The following PDE1A variants were observed in gnomAD, a reference collection of about 807,000 sequenced individuals.
PDE1A encodes the protein phosphodiesterase 1A.
A neutral mutation model predicts 61.7 loss-of-function variants in PDE1A; 35 were observed. That is an observed-to-expected ratio of 0.57 (90% CI 0.43 to 0.75). The LOEUF (loss-of-function observed/expected upper bound fraction) is 0.75, where lower values mean the gene tolerates loss of function less well. Among genes scored for constraint, PDE1A ranks in the 30% least tolerant of loss-of-function variants. The pLI is 0.00. For synonymous variants in PDE1A, 232 were observed against 213.2 expected (o/e 1.09, Z -0.77); for missense variants, 597 against 630.6 (o/e 0.95, Z 0.57).
At chr2:182,669,734 T>C in the PDE1A span, among the ~76,000 whole-genome samples, 2 of 152,198 alleles carry the variant, frequency 1.3e-5, no homozygotes, top group Admixed American at 6.5e-5. Context: ...TTCTTAACTC[T>C]CTCCTTTGAA....
chr2:182,421,630 G>C (rs1703283601), intron 1 of PDE1A, among the ~76,000 whole-genome samples: 1 of 152,114 alleles, frequency 6.6e-6, no homozygotes. Context: ...TTTACCTCCT[G>C]CTATTAAAAT....
At chr2:182,508,458 C>T (rs548479149) in intron 2 of PDE1A, among the ~76,000 whole-genome samples, 1 of 151,378 alleles carries the variant, frequency 6.6e-6, no homozygotes, top group African/African-American at 2.4e-5. Context: ...AAGTGGTTTA[C>T]AAATGAAAGG....
intron 2 of PDE1A, among the ~76,000 whole-genome samples, chr2:182,244,675 ATG>A (rs1392411464): frequency 6.6e-6 from 1 of 152,066 alleles, no homozygotes; most frequent in Admixed American, 6.5e-5. Flanking sequence ...GTTCTTTGTC[ATG>A]TGTTTTTCCC....
the PDE1A span, among the ~76,000 whole-genome samples, chr2:182,641,249 G>A: frequency 1.3e-5 from 2 of 151,834 alleles, no homozygotes; most frequent in Non-Finnish European, 2.9e-5. Context: ...AAAGTACTAG[G>A]CATATGGGGG....
chr2:182,244,699 C>T (rs773977146), intron 2 of PDE1A, among the ~76,000 whole-genome samples: 1 of 152,016 alleles, frequency 6.6e-6, no homozygotes, highest in Non-Finnish European at 1.5e-5. Context: ...ATCTTTTCCA[C>T]CTTTGTTCTT....
At chr2:182,681,575 TA>T in the PDE1A span, among the ~76,000 whole-genome samples, 96,172 of 143,968 alleles carry the variant, frequency 0.67, 31,742 homozygotes, top group African/African-American at 0.73. Context: ...ACCTCTAAAT[TA>T]AAAAAAAAAA....
chr2:182,541,680 T>G, the PDE1A span, among the ~76,000 whole-genome samples: 1 of 152,178 alleles, frequency 6.6e-6, no homozygotes, highest in African/African-American at 2.4e-5. Context: ...CTATTACACA[T>G]GTAACTATTT....
At chr2:182,676,668 A>G in the PDE1A span, among the ~76,000 whole-genome samples, 4 of 152,326 alleles carry the variant, frequency 2.6e-5, no homozygotes, top group Admixed American at 6.5e-5. Context: ...ATCATCAATA[A>G]AATACTTTCC....
At chr2:182,388,414 A>T (rs975470699) in intron 1 of PDE1A, among the ~76,000 whole-genome samples, 2 of 152,244 alleles carry the variant, frequency 1.3e-5, no homozygotes, top group South Asian at 2.1e-4. Context: ...AGGACTGATT[A>T]TATGTCAGGC....
At chr2:182,577,931 CGGAA>C in the PDE1A span, among the ~76,000 whole-genome samples, 7,807 of 82,158 alleles carry the variant, frequency 0.095, 520 homozygotes, top group Admixed American at 0.21. Flanking sequence ...AGAAAGAAAA[CGGAA>C]GGAAGGAAGG....
chr2:182,389,356 A>G (rs995808262), intron 1 of PDE1A, among the ~76,000 whole-genome samples: 1 of 152,238 alleles, frequency 6.6e-6, no homozygotes, highest in African/African-American at 2.4e-5. Flanking sequence ...TGTTTTGAAT[A>G]TATGAGGTTG....
chr2:182,659,941 T>C, the PDE1A span, among the ~76,000 whole-genome samples: 12 of 152,180 alleles, frequency 7.9e-5, no homozygotes, highest in Admixed American at 7.2e-4. Flanking sequence ...ATATTCAAAC[T>C]GCAAAAGAAT....
At chr2:182,442,845 A>T (rs1453018266) in intron 2 of PDE1A, among the ~76,000 whole-genome samples, 1 of 152,102 alleles carries the variant, frequency 6.6e-6, no homozygotes, top group Non-Finnish European at 1.5e-5. Flanking sequence ...TCTTACAATA[A>T]ATTTTGCTAC....
In PDE1A at chr2:182,153,802, A is replaced by G. The variant is rs575142152; in HGVS notation, c.1517-6650T>C. ...CAACATGGGGCTGCTCTGATTTCTCAATTAGGATGAAAAATGGGGTGAAAA... is the reference window on the plus strand; with the variant it reads ...CAACATGGGGCTGCTCTGATTTCTCGATTAGGATGAAAAATGGGGTGAAAA... On this transcript the variant is annotated intron_variant, in intron 13 of 13. Coordinates refer to the PDE1A transcript ENST00000409365. Among the ~76,000 whole-genome samples the G allele has an allele frequency of 6.4e-4, 97 of 152,256 alleles. 1 individual carries two copies. The highest frequency in any genetic ancestry group is 2.2e-3 in the African/African-American group (91 of 41,548).
chr2:182,277,884 C>T (rs1287110867), intron 1 of PDE1A, among the ~76,000 whole-genome samples: 1 of 152,016 alleles, frequency 6.6e-6, no homozygotes, highest in Non-Finnish European at 1.5e-5. Context: ...CCTAGAATGG[C>T]TCACACTGTC....
the PDE1A span, among the ~76,000 whole-genome samples, chr2:182,531,812 T>C: frequency 6.6e-6 from 1 of 152,202 alleles, no homozygotes; most frequent in Non-Finnish European, 1.5e-5. Context: ...CAACTCATCA[T>C]TTACATTAGG....
chr2:182,532,961 A>AACAAAC, the PDE1A span, among the ~76,000 whole-genome samples: 1 of 149,470 alleles, frequency 6.7e-6, no homozygotes, highest in East Asian at 2.0e-4. Flanking sequence ...AAAAAAAAAA[A>AACAAAC]AAAAAAAAAA....
chr2:182,165,864 A>G (rs1691627741), downstream of PDE1A, among the ~76,000 whole-genome samples: 1 of 152,124 alleles, frequency 6.6e-6, no homozygotes, highest in South Asian at 2.1e-4. Flanking sequence ...TTTTTCCTTT[A>G]TCATGTAACA....
rs761118177 is a variant in PDE1A, at chr2:182,246,401, C to CTTTTTTTTTT, written c.168-6110_168-6109insAAAAAAAAAA. Reference sequence around the variant, plus strand: ...TCTACTATAGTCTTTTTTCTTTTTTCTTTCTTTTTTTTTTTTTTTTTTGAC... The same window carrying CTTTTTTTTTT: ...TCTACTATAGTCTTTTTTCTTTTTTCTTTTTTTTTTTTTCTTTTTTTTTTTTTTTTTTGAC... On this transcript the variant is annotated intron_variant, in intron 2 of 13. Transcript: ENST00000351439. Among the ~76,000 whole-genome samples the CTTTTTTTTTT allele has an allele frequency of 1.1e-4, 7 of 61,514 alleles. 1 individual carries two copies. The highest frequency in any genetic ancestry group is 3.3e-4 in the Admixed American group (2 of 6,112). The allele number at this position is 61,514 out of a possible 152,430, so 40.4% of individuals were successfully genotyped here. A position where few individuals can be genotyped will look rare whatever the true frequency, so the allele number is the denominator to read the frequency against.
Sources: gnomAD v4.1 joint callset for allele counts (sites outside exome capture counted in the v4.1 genomes callset) on GRCh38, gnomAD v4.1.1 for gene constraint, MANE v1.5 for transcripts, NCBI Gene and HGNC (gene_info 2026-07-23, HGNC 2026-07-21) for gene names.